Variants in KLF12 observed in about 807,000 individuals in gnomAD.
The protein encoded by KLF12 is KLF transcription factor 12.
In KLF12, 9 loss-of-function variants were observed where a neutral mutation model predicts 37.8. The observed-to-expected ratio is 0.24, with a 90% CI of 0.14 to 0.42. KLF12 has a LOEUF of 0.42. KLF12 is among the 10% of genes least tolerant of loss of function. The pLI, the probability that KLF12 is intolerant of heterozygous loss-of-function variation, is 1.00. For missense variants in KLF12, 411 were observed against 516.0 expected, an observed-to-expected ratio of 0.80 and a Z score of 1.97; for synonymous variants, 208 against 202.1, an observed-to-expected ratio of 1.03 and a Z score of -0.25.
chr13:74,268,624 G>C, the KLF12 span, among the ~76,000 whole-genome samples: 1 of 152,110 alleles, frequency 6.6e-6, no homozygotes, highest in Non-Finnish European at 1.5e-5. Flanking sequence ...TGGAACTCCT[G>C]TTCAGGAGAG....
intron 1 of KLF12, among the ~76,000 whole-genome samples, chr13:74,102,954 T>A (rs1876444559): frequency 6.6e-6 from 1 of 152,224 alleles, no homozygotes; most frequent in Non-Finnish European, 1.5e-5. Context: ...TTGTGTCATA[T>A]CAACATGGAC....
intron 5 of KLF12, among the ~76,000 whole-genome samples, chr13:73,788,800 A>G (rs1009900821): frequency 6.6e-6 from 1 of 152,212 alleles, no homozygotes; most frequent in African/African-American, 2.4e-5. Flanking sequence ...TTTCTTATAA[A>G]GTATGAAACT....
At chr13:73,987,035 TAA>T (rs1001491834) in intron 2 of KLF12, among the ~76,000 whole-genome samples, 2 of 152,206 alleles carry the variant, frequency 1.3e-5, no homozygotes, top group African/African-American at 4.8e-5. Flanking sequence ...ACTTTCATAT[TAA>T]GTGTCTTGCT....
chr13:74,047,923 T>C (rs1893588933), intron 1 of KLF12, among the ~76,000 whole-genome samples: 1 of 152,218 alleles, frequency 6.6e-6, no homozygotes, highest in Non-Finnish European at 1.5e-5. Context: ...AAGTTTCTAT[T>C]TCTCGCATTC....
At chr13:73,717,564 A>G (rs1233291839) in intron 6 of KLF12, among the ~76,000 whole-genome samples, 2 of 152,236 alleles carry the variant, frequency 1.3e-5, no homozygotes, top group Admixed American at 6.5e-5. Context: ...TAGGCAAACA[A>G]AGCTTTCTGT....
the KLF12 span, among the ~76,000 whole-genome samples, chr13:74,223,592 T>C: frequency 6.6e-6 from 1 of 152,206 alleles, no homozygotes; most frequent in African/African-American, 2.4e-5. Flanking sequence ...GGATATGACC[T>C]GAATGGAATA....
chr13:74,242,183 A>T, the KLF12 span, among the ~76,000 whole-genome samples: 1 of 152,244 alleles, frequency 6.6e-6, no homozygotes. Flanking sequence ...TTAATCTTGT[A>T]AGATGGACTT....
chr13:73,875,159 C>CT (rs5804702), intron 3 of KLF12, among the ~76,000 whole-genome samples: 123,249 of 151,848 alleles, frequency 0.81, 50,231 homozygotes, highest in East Asian at 0.91. Context: ...AACAGATTTA[C>CT]TTTGTAATAT....
At chr13:74,017,942 G>A (rs1190081758) in intron 1 of KLF12, among the ~76,000 whole-genome samples, 1 of 152,120 alleles carries the variant, frequency 6.6e-6, no homozygotes, top group African/African-American at 2.4e-5. Flanking sequence ...TAGGCTGGGA[G>A]AGTACACAGG....
At chr13:74,013,962 G>A (rs143661071) in intron 1 of KLF12, among the ~76,000 whole-genome samples, 1 of 151,920 alleles carries the variant, frequency 6.6e-6, no homozygotes, top group African/African-American at 2.4e-5. Context: ...CTACAAGCAT[G>A]TGTCCCCACA....
intron 3 of KLF12, among the ~76,000 whole-genome samples, chr13:73,909,407 C>G (rs1471740365): frequency 6.6e-6 from 1 of 152,162 alleles, no homozygotes; most frequent in Non-Finnish European, 1.5e-5. Context: ...CATGATGAAG[C>G]ATACAACATC....
intron 3 of KLF12, among the ~76,000 whole-genome samples, chr13:73,875,021 T>C (rs1285854627): frequency 2.6e-5 from 4 of 152,114 alleles, no homozygotes; most frequent in Non-Finnish European, 4.4e-5. Context: ...TACAATTATG[T>C]TTCAACACTG....
chr13:74,043,058 G>A (rs1382771137), intron 1 of KLF12, among the ~76,000 whole-genome samples: 2 of 152,128 alleles, frequency 1.3e-5, no homozygotes, highest in African/African-American at 4.8e-5. Flanking sequence ...AATAAGATCG[G>A]ACAGACTGAA....
At chr13:74,160,822 T>A in the KLF12 span, among the ~76,000 whole-genome samples, 1 of 152,092 alleles carries the variant, frequency 6.6e-6, no homozygotes, top group Non-Finnish European at 1.5e-5. Flanking sequence ...CCTGCTCTAG[T>A]TAAGTTGAAG....
In KLF12 at chr13:73,718,661, T is replaced by C. The variant is rs371605681; in HGVS notation, c.870-3136A>G. ...TAATCCCAGCACTTTGTGAAGCTGATGTAGGTAGATCCCTTGAGCTCAGGA... is the reference window on the plus strand; with the variant it reads ...TAATCCCAGCACTTTGTGAAGCTGACGTAGGTAGATCCCTTGAGCTCAGGA... On this transcript the variant is annotated intron_variant, in intron 6 of 7. Transcript: ENST00000377669. Among the ~76,000 whole-genome samples, 41 of 152,164 alleles carry C rather than the reference T, an allele frequency of 2.7e-4. 6 individuals carry two copies. Among genetic ancestry groups the C allele is most frequent in the Admixed American group, 1.6e-3 (25 of 15,282 alleles).
chr13:74,290,566 G>A, the KLF12 span, among the ~76,000 whole-genome samples: 3 of 152,194 alleles, frequency 2.0e-5, no homozygotes, highest in Non-Finnish European at 2.9e-5. Flanking sequence ...CCGCCAATGA[G>A]ACTGTATTTC....
intron 1 of KLF12, among the ~76,000 whole-genome samples, chr13:73,998,484 T>C (rs1892180247): frequency 6.6e-6 from 1 of 152,228 alleles, no homozygotes; most frequent in African/African-American, 2.4e-5. Context: ...GGTGCTGATA[T>C]AGTTATCTTA....
At chr13:74,143,061 T>A in the KLF12 span, among the ~76,000 whole-genome samples, 1 of 148,326 alleles carries the variant, frequency 6.7e-6, no homozygotes, top group Non-Finnish European at 1.5e-5. Flanking sequence ...TTTCCTTCCT[T>A]CCTTCCTCTC....
intron 1 of KLF12, among the ~76,000 whole-genome samples, chr13:74,052,877 C>T (rs1873012654): frequency 6.6e-6 from 1 of 152,128 alleles, no homozygotes; most frequent in African/African-American, 2.4e-5. Context: ...ACTCCACTCC[C>T]TGGCTAGTAG....
Sources: allele counts gnomAD v4.1 joint callset (sites outside exome capture counted in the v4.1 genomes callset), GRCh38; gene constraint gnomAD v4.1.1; transcripts MANE v1.5; gene names NCBI Gene and HGNC (gene_info 2026-07-23, HGNC 2026-07-21).